Variants in LRRFIP1 observed in about 807,000 individuals in gnomAD.
LRRFIP1 encodes leucine-rich repeat flightless-interacting protein 1.
A neutral mutation model predicts 104.4 loss-of-function variants in LRRFIP1; 62 were observed. The ratio of observed to expected loss-of-function variants is 0.59; its 90% CI spans 0.48 to 0.73. LRRFIP1 has a LOEUF of 0.73. LRRFIP1 is among the 30% of genes least tolerant of loss of function. LRRFIP1 has a pLI of 0.00. For missense variants in LRRFIP1, 796 were observed against 824.5 expected, an observed-to-expected ratio of 0.97 and a Z score of 0.42; for synonymous variants, 300 against 299.0, an observed-to-expected ratio of 1.00 and a Z score of -0.03.
chr2:237,750,557 G>A (rs2058495422), intron 13 of LRRFIP1, among the ~76,000 whole-genome samples: 1 of 151,938 alleles, frequency 6.6e-6, no homozygotes, highest in Non-Finnish European at 1.5e-5. Flanking sequence ...GGCTGGTCTT[G>A]AACTCCTGAC....
At chr2:237,633,360 G>A (rs905334745) in intron 1 of LRRFIP1, among the ~76,000 whole-genome samples, 1 of 152,184 alleles carries the variant, frequency 6.6e-6, no homozygotes, top group Non-Finnish European at 1.5e-5. Context: ...GGGTTTCTGA[G>A]TCCACAGAAA....
At chr2:237,763,667 T>C (rs762542792) in intron 19 of LRRFIP1, 11 of 1,613,908 alleles carry the variant, frequency 6.8e-6, no homozygotes, top group Non-Finnish European at 9.3e-6. Context: ...TAAAATTAAG[T>C]TGGATGGAAA....
At chr2:237,696,968 G>A (rs1041531767) in intron 1 of LRRFIP1, among the ~76,000 whole-genome samples, 3 of 152,150 alleles carry the variant, frequency 2.0e-5, no homozygotes, top group Non-Finnish European at 4.4e-5. Flanking sequence ...AAACTTTTCT[G>A]TTCTCTGCCT....
At chr2:237,746,038 AATTTTATTTATTTT>A (rs2057797919) in intron 11 of LRRFIP1, among the ~76,000 whole-genome samples, 1 of 151,242 alleles carries the variant, frequency 6.6e-6, no homozygotes, top group Non-Finnish European at 1.5e-5. Flanking sequence ...TGTTCTTTGA[AATTTTATTTATTTT>A]ATTTTATTTA....
rs1016615952 is a variant in LRRFIP1, at chr2:237,645,797, A to G, written c.96+18057A>G. Among the ~76,000 whole-genome samples, 4 of 152,018 alleles carry G rather than the reference A, an allele frequency of 2.6e-5. No individual in the cohort carries two copies. The South Asian group carries it at 8.3e-4, about 31-fold the overall frequency. ...AATGTGAGAAAGATCAAAGAAATGC[A>G]GAGCAGACTAAGAAAGATGAAACAT... On this transcript the variant is annotated intron_variant, in intron 1 of 23. Coordinates refer to ENST00000308482, the MANE Select transcript of LRRFIP1 (RefSeq NM_001137550.2).
At chr2:237,743,614 G>C (rs1367162820) in intron 11 of LRRFIP1, among the ~76,000 whole-genome samples, 1 of 152,184 alleles carries the variant, frequency 6.6e-6, no homozygotes, top group East Asian at 1.9e-4. Flanking sequence ...CATTCATTCA[G>C]TGTTTATTGA....
At chr2:237,629,287 C>G (rs766732006) in intron 1 of LRRFIP1, among the ~76,000 whole-genome samples, 1 of 152,170 alleles carries the variant, frequency 6.6e-6, no homozygotes, top group African/African-American at 2.4e-5. Flanking sequence ...TAACTCCCTC[C>G]TGTGAAGACA....
At chr2:237,732,438 G>A (rs185936292) in intron 8 of LRRFIP1, among the ~76,000 whole-genome samples, 16 of 152,280 alleles carry the variant, frequency 1.1e-4, no homozygotes, top group African/African-American at 2.9e-4. Flanking sequence ...TCACTTTGTC[G>A]CTCCTTCCCT....
intron 11 of LRRFIP1, among the ~76,000 whole-genome samples, chr2:237,744,231 T>C (rs1211149563): frequency 6.6e-6 from 1 of 152,206 alleles, no homozygotes; most frequent in Non-Finnish European, 1.5e-5. Flanking sequence ...GAAGGAAAAT[T>C]ACCCTTAAAA....
At chr2:237,738,020 T>C (rs1488510079) in intron 10 of LRRFIP1, among the ~76,000 whole-genome samples, 1 of 152,236 alleles carries the variant, frequency 6.6e-6, no homozygotes, top group African/African-American at 2.4e-5. Context: ...CAACAAGTAT[T>C]TCTTGAGTTT....
At chr2:237,736,444 G>T (rs931625150) in intron 10 of LRRFIP1, among the ~76,000 whole-genome samples, 1 of 152,208 alleles carries the variant, frequency 6.6e-6, no homozygotes, top group Non-Finnish European at 1.5e-5. Context: ...CACAACTAAT[G>T]ATTTTCTTTT....
intron 1 of LRRFIP1, among the ~76,000 whole-genome samples, chr2:237,647,935 A>G (rs2085245986): frequency 6.6e-6 from 1 of 152,076 alleles, no homozygotes; most frequent in Non-Finnish European, 1.5e-5. Flanking sequence ...ACCATTCTTG[A>G]AGCAGGAACC....
At position 237,648,593 on chromosome 2, in the gene LRRFIP1, C is replaced by T. The variant is rs143900951; in HGVS notation, c.96+20853C>T. ...GAAAAAAAAAAAAGATACCGCAGTT[C>T]ACGCAGTTCAGGTATTTGTTCCGTG... On this transcript the variant is annotated intron_variant, in intron 1 of 23. Transcript: ENST00000308482. 1.8e-3 allele frequency among the ~76,000 whole-genome samples: 278 copies of T among 151,756 alleles called. 5 individuals are homozygous for T. Among genetic ancestry groups the T allele is most frequent in the African/African-American group, 6.3e-3 (263 of 41,470 alleles).
At chr2:237,746,540 T>G (rs116523077) in intron 11 of LRRFIP1, among the ~76,000 whole-genome samples, 5 of 151,872 alleles carry the variant, frequency 3.3e-5, no homozygotes, top group Non-Finnish European at 5.9e-5. Flanking sequence ...CCCATCGGAG[T>G]CTGCCTTGGT....
chr2:237,762,963 G>GA, intron 19 of LRRFIP1: 1 of 1,614,208 alleles, frequency 6.2e-7, no homozygotes, highest in Non-Finnish European at 8.5e-7. Context: ...TTAGATGGTG[G>GA]GAACCACACA....
chr2:237,768,454 A>G (rs2060376145), intron 19 of LRRFIP1: 1 of 152,244 alleles, frequency 6.6e-6, no homozygotes, highest in Non-Finnish European at 1.5e-5. Flanking sequence ...TGGTGTATTC[A>G]GTGTTTCTTA....
intron 1 of LRRFIP1, among the ~76,000 whole-genome samples, chr2:237,702,809 A>G (rs958401944): frequency 1.3e-5 from 2 of 152,102 alleles, no homozygotes; most frequent in Non-Finnish European, 2.9e-5. Context: ...GGGAACCCAG[A>G]TCTGGGATGG....
chr2:237,720,952 T>C, intron 6 of LRRFIP1, 130 bp downstream of exon 6: 1 of 774,142 alleles, frequency 1.3e-6, no homozygotes, highest in South Asian at 1.6e-5. Context: ...ACCGATGAGA[T>C]GCTTACTTAA....
At chr2:237,763,507 G>C (rs758910464) in intron 19 of LRRFIP1, 1 of 1,613,702 alleles carries the variant, frequency 6.2e-7, no homozygotes, top group Non-Finnish European at 8.5e-7. Context: ...TAACGTATCA[G>C]AACACAGATT....
Sources: allele counts gnomAD v4.1 joint callset (sites outside exome capture counted in the v4.1 genomes callset), GRCh38; gene constraint gnomAD v4.1.1; transcripts MANE v1.5; gene names NCBI Gene and HGNC (gene_info 2026-07-23, HGNC 2026-07-21).